Variants in LHFPL3 observed in about 807,000 individuals in gnomAD.
The protein encoded by LHFPL3 is LHFPL tetraspan subfamily member 3 protein.
LHFPL3 carries 5 observed loss-of-function variants against 19.3 expected under a neutral mutation model. The ratio of observed to expected loss-of-function variants is 0.26; its 90% CI spans 0.14 to 0.54. The LOEUF is 0.54. Ranked by LOEUF, LHFPL3 falls within the 20% of genes least tolerant of loss-of-function variation. The pLI is 0.94. For missense variants in LHFPL3, 249 were observed against 307.4 expected, an observed-to-expected ratio of 0.81 and a Z score of 1.42; for synonymous variants, 133 against 126.2, an observed-to-expected ratio of 1.05 and a Z score of -0.36.
chr7:104,652,748 A>C (rs1792054671), intron 1 of LHFPL3, among the ~76,000 whole-genome samples: 1 of 152,190 alleles, frequency 6.6e-6, no homozygotes, highest in African/African-American at 2.4e-5. Flanking sequence ...GCACTAGTTA[A>C]AGGCAGGAAA....
chr7:104,818,161 A>T (rs189771429), intron 2 of LHFPL3, among the ~76,000 whole-genome samples: 2 of 152,318 alleles, frequency 1.3e-5, no homozygotes, highest in East Asian at 3.9e-4. Context: ...CTTAGGAATG[A>T]GTGTACTTAA....
chr7:104,737,390 G>A (rs938452455), intron 2 of LHFPL3, among the ~76,000 whole-genome samples: 1 of 152,182 alleles, frequency 6.6e-6, no homozygotes, highest in African/African-American at 2.4e-5. Flanking sequence ...TTCTCAGAGA[G>A]AGGTAGTAAC....
At chr7:104,362,245 G>C in intron 1 of LHFPL3, among the ~76,000 whole-genome samples, 1 of 152,158 alleles carries the variant, frequency 6.6e-6, no homozygotes, top group East Asian at 1.9e-4. Flanking sequence ...TTATTGAGCT[G>C]GGTAACCTGC....
chr7:104,854,706 T>G (rs1791470762), intron 2 of LHFPL3, among the ~76,000 whole-genome samples: 2 of 152,228 alleles, frequency 1.3e-5, no homozygotes, highest in Non-Finnish European at 2.9e-5. Flanking sequence ...AAGCTTGTAA[T>G]TTCTCATAGC....
At chr7:104,843,420 C>A (rs1224647580) in intron 2 of LHFPL3, among the ~76,000 whole-genome samples, 1 of 152,198 alleles carries the variant, frequency 6.6e-6, no homozygotes, top group Non-Finnish European at 1.5e-5. Context: ...CTGTGACTCA[C>A]CCTTTCTGGA....
At chr7:104,620,122 CT>C (rs544617479) in intron 1 of LHFPL3, among the ~76,000 whole-genome samples, 64 of 152,242 alleles carry the variant, frequency 4.2e-4, no homozygotes, top group African/African-American at 1.5e-3. Flanking sequence ...TTGGGTACCC[CT>C]GATGTAATAT....
chr7:104,824,443 AATATATAATTATATAATTTT>A (rs1240854394), intron 2 of LHFPL3, among the ~76,000 whole-genome samples: 1 of 56,242 alleles, frequency 1.8e-5, no homozygotes, highest in Non-Finnish European at 2.9e-5. Context: ...AATTATAGAT[AATATATAATTATATAATTTT>A]ATATATAATA....
chr7:104,338,140 C>T (rs1443623144), intron 1 of LHFPL3, among the ~76,000 whole-genome samples: 2 of 135,430 alleles, frequency 1.5e-5, no homozygotes, highest in East Asian at 4.8e-4. Context: ...GCTCTGTCAC[C>T]CAGGCTGGAG....
At chr7:104,819,584 G>A (rs1260038911) in intron 2 of LHFPL3, among the ~76,000 whole-genome samples, 1 of 152,146 alleles carries the variant, frequency 6.6e-6, no homozygotes, top group Non-Finnish European at 1.5e-5. Flanking sequence ...AAAAACAGCA[G>A]TTGCATCACT....
rs148097671 is a variant in LHFPL3, at chr7:104,614,589, CTCTCTTCTCT to C, written c.446-122030_446-122021del. Among the ~76,000 whole-genome samples, 319 of 63,810 alleles carry C rather than the reference CTCTCTTCTCT, an allele frequency of 5.0e-3. 9 individuals are homozygous for C. The highest frequency in any genetic ancestry group is 0.015 in the African/African-American group (281 of 18,394). 41.9% of individuals were successfully genotyped at this position (63,810 alleles called of 152,430 possible). On this transcript the variant is annotated intron_variant, in intron 1 of 2. Transcript: ENST00000424859. ...TCCAAAGAGCCTCCTCTTCTCTTCT[CTCTCTTCTCT>C]TCTCTTCTCTTCTCTTCTCTTCTCT...
intron 2 of LHFPL3, among the ~76,000 whole-genome samples, chr7:104,850,898 C>T (rs185001358): frequency 8.5e-5 from 13 of 152,230 alleles, no homozygotes; most frequent in African/African-American, 2.9e-4. Context: ...GACCCCTCAC[C>T]CACAGAGATT....
At chr7:104,481,218 A>G (rs1332840697) in intron 1 of LHFPL3, among the ~76,000 whole-genome samples, 1 of 152,112 alleles carries the variant, frequency 6.6e-6, no homozygotes, top group Non-Finnish European at 1.5e-5. Flanking sequence ...AGATTGTTAT[A>G]ATACTCCTGA....
chr7:104,595,515 G>A (rs564865463), intron 1 of LHFPL3, among the ~76,000 whole-genome samples: 1 of 152,332 alleles, frequency 6.6e-6, no homozygotes, highest in African/African-American at 2.4e-5. Context: ...CTATACAGGG[G>A]TCAGGGACCC....
intron 1 of LHFPL3, among the ~76,000 whole-genome samples, chr7:104,666,512 C>CTTTTTTT (rs71155514): frequency 0.05 from 2,092 of 42,210 alleles, 643 homozygotes; most frequent in East Asian, 0.087. Context: ...GGATTTCATT[C>CTTTTTTT]TTTTTTTTTT....
intron 2 of LHFPL3, among the ~76,000 whole-genome samples, chr7:104,869,659 C>A (rs1791794407): frequency 6.6e-6 from 1 of 152,136 alleles, no homozygotes; most frequent in South Asian, 2.1e-4. Flanking sequence ...TAAACTAGTT[C>A]AACCACTGTG....
intron 1 of LHFPL3, among the ~76,000 whole-genome samples, chr7:104,533,717 T>A (rs1794344095): frequency 6.6e-6 from 1 of 152,226 alleles, no homozygotes; most frequent in African/African-American, 2.4e-5. Context: ...GTTACTGCTC[T>A]TGTCCAACTG....
chr7:104,821,952 C>T (rs751268936), intron 2 of LHFPL3, among the ~76,000 whole-genome samples: 8 of 152,156 alleles, frequency 5.3e-5, no homozygotes, highest in Middle Eastern at 3.4e-3. Flanking sequence ...AATAACAGGC[C>T]GCATATAGTA....
At chr7:104,412,991 C>G (rs1203797025) in intron 1 of LHFPL3, among the ~76,000 whole-genome samples, 2 of 152,216 alleles carry the variant, frequency 1.3e-5, no homozygotes, top group Non-Finnish European at 1.5e-5. Context: ...CCATTGCACT[C>G]CACACACAGA....
chr7:104,654,336 G>A (rs1418750070), intron 1 of LHFPL3, among the ~76,000 whole-genome samples: 3 of 152,142 alleles, frequency 2.0e-5, no homozygotes, highest in Non-Finnish European at 4.4e-5. Context: ...TAAATATTCA[G>A]ACATATTTCC....
Sources: gnomAD v4.1 joint callset for allele counts (sites outside exome capture counted in the v4.1 genomes callset) on GRCh38, gnomAD v4.1.1 for gene constraint, MANE v1.5 for transcripts, NCBI Gene and HGNC (gene_info 2026-07-23, HGNC 2026-07-21) for gene names.